Variants in SORCS1 observed in about 807,000 individuals in gnomAD.
SORCS1 encodes the protein sortilin related VPS10 domain containing receptor 1, also known as VPS10 domain-containing receptor SorCS1.
Under a neutral mutation model 146.1 loss-of-function variants are expected in SORCS1, and 60 were observed. The ratio of observed to expected loss-of-function variants is 0.41; its 90% CI spans 0.33 to 0.51. SORCS1 has a LOEUF of 0.51. SORCS1 is among the 20% of genes least tolerant of loss of function. SORCS1 has a pLI of 0.21. For synonymous variants in SORCS1, 637 were observed against 584.0 expected (o/e 1.09, Z -1.31); for missense variants, 1,352 against 1,487.6 (o/e 0.91, Z 1.50).
At chr10:106,928,951 A>C (rs1366883784) in intron 2 of SORCS1, among the ~76,000 whole-genome samples, 1 of 151,124 alleles carries the variant, frequency 6.6e-6, no homozygotes, top group African/African-American at 2.4e-5. Context: ...AATTAAAATT[A>C]TATATATAAT....
chr10:106,706,706 GAA>G, intron 7 of SORCS1, 72 bp from the exon 8 acceptor site: 2 of 1,393,468 alleles, frequency 1.4e-6, no homozygotes, highest in Non-Finnish European at 2.0e-6. Flanking sequence ...ACAGTCACCT[GAA>G]TGGAAGGAGG....
rs1219563937 is a variant in SORCS1, at chr10:107,024,702, G to C, written c.559-68122C>G. Among the ~76,000 whole-genome samples, 3 of 151,994 alleles carry C rather than the reference G, an allele frequency of 2.0e-5. No individual in the cohort carries two copies. The East Asian group carries it at 5.8e-4, about 29-fold the overall frequency. On this transcript the variant is annotated intron_variant, in intron 1 of 25. Coordinates refer to ENST00000263054, the MANE Select transcript of SORCS1 (RefSeq NM_052918.5). ...CAAGTAGCAATACCTGGTCAATCTT[G>C]TTTTATTTGTACCTCTGCCCATTTT...
At chr10:106,879,601 G>C (rs1435988396) in intron 2 of SORCS1, among the ~76,000 whole-genome samples, 1 of 152,168 alleles carries the variant, frequency 6.6e-6, no homozygotes, top group Non-Finnish European at 1.5e-5. Context: ...GATTATCCAG[G>C]CCGACCTGAT....
At chr10:106,866,193 G>A (rs1407816453) in intron 2 of SORCS1, among the ~76,000 whole-genome samples, 1 of 152,114 alleles carries the variant, frequency 6.6e-6, no homozygotes, top group Non-Finnish European at 1.5e-5. Context: ...ACTCTGCAGT[G>A]GAACTGCCCT....
At chr10:106,584,872 A>T (rs1275805920) in intron 24 of SORCS1, among the ~76,000 whole-genome samples, 1 of 152,186 alleles carries the variant, frequency 6.6e-6, no homozygotes, top group African/African-American at 2.4e-5. Context: ...TCCAAGACCA[A>T]CCATCATCAT....
At chr10:107,113,371 T>C (rs1018028938) in intron 1 of SORCS1, among the ~76,000 whole-genome samples, 3 of 152,036 alleles carry the variant, frequency 2.0e-5, no homozygotes, top group African/African-American at 7.2e-5. Context: ...GAGAGAACTA[T>C]ATAGTGATAA....
chr10:106,971,351 G>T (rs1013780174), intron 1 of SORCS1, among the ~76,000 whole-genome samples: 6 of 152,108 alleles, frequency 3.9e-5, no homozygotes, highest in African/African-American at 1.4e-4. Context: ...CAGTATTTGT[G>T]GATCGTCTGA....
intron 1 of SORCS1, among the ~76,000 whole-genome samples, chr10:106,974,405 G>A (rs927418697): frequency 2.0e-5 from 3 of 152,214 alleles, no homozygotes; most frequent in Admixed American, 6.5e-5. Flanking sequence ...CAATACAGAA[G>A]GCTTTGTGAG....
At chr10:107,027,035 A>AATATATATAT (rs1958437730) in intron 1 of SORCS1, among the ~76,000 whole-genome samples, 2 of 63,862 alleles carry the variant, frequency 3.1e-5, no homozygotes, top group African/African-American at 1.1e-4. Flanking sequence ...TATATATATA[A>AATATATATAT]AAATATATAT....
At chr10:106,596,543 C>T (rs2133309519) in intron 24 of SORCS1, among the ~76,000 whole-genome samples, 1 of 152,212 alleles carries the variant, frequency 6.6e-6, no homozygotes, top group Non-Finnish European at 1.5e-5. Flanking sequence ...CCATCCTCAC[C>T]ACCACCTTCT....
chr10:106,972,041 T>C (rs1015479965), intron 1 of SORCS1, among the ~76,000 whole-genome samples: 6 of 152,156 alleles, frequency 3.9e-5, no homozygotes, highest in African/African-American at 1.2e-4. Context: ...TCATTTAACC[T>C]GTTTTTATTA....
At chr10:106,970,336 CTTTTT>C (rs766818370) in intron 1 of SORCS1, among the ~76,000 whole-genome samples, 3 of 89,454 alleles carry the variant, frequency 3.4e-5, no homozygotes, top group South Asian at 3.9e-4. Flanking sequence ...ACCAACATCT[CTTTTT>C]TTTTTTTTTT....
intron 5 of SORCS1, among the ~76,000 whole-genome samples, chr10:106,754,422 C>G (rs2136206481): frequency 6.6e-6 from 1 of 152,298 alleles, no homozygotes; most frequent in South Asian, 2.1e-4. Flanking sequence ...ACTTTCCAGA[C>G]CCATAAGCCA....
the SORCS1 span, among the ~76,000 whole-genome samples, chr10:107,178,245 T>C: frequency 6.6e-6 from 1 of 152,170 alleles, no homozygotes. Flanking sequence ...AACTTACTCC[T>C]GTGTAGCTGT....
chr10:106,743,765 G>A (rs1196623459), intron 5 of SORCS1, among the ~76,000 whole-genome samples: 9 of 151,980 alleles, frequency 5.9e-5, no homozygotes, highest in South Asian at 2.1e-4. Flanking sequence ...AAATAACACC[G>A]CTGTGAAAAA....
At chr10:106,966,885 T>TA (rs1252358842) in intron 1 of SORCS1, among the ~76,000 whole-genome samples, 2 of 151,974 alleles carry the variant, frequency 1.3e-5, no homozygotes, top group African/African-American at 4.8e-5. Context: ...TTCCTGCTAG[T>TA]AACAAACCCA....
rs1954236994 is a variant in SORCS1, at chr10:106,944,871, CTTCTT to C, written c.626+11637_626+11641del. ...ATGGTAGAAAGAAGCAAGAAAGAGCCTTCTTTTTTTTTTTTTTTTTTTTTTTTTTT... is the reference window on the plus strand; with the variant it reads ...ATGGTAGAAAGAAGCAAGAAAGAGCCTTTTTTTTTTTTTTTTTTTTTTTTT... On this transcript the variant is annotated intron_variant, in intron 2 of 25. Coordinates refer to ENST00000263054, the MANE Select transcript of SORCS1 (RefSeq NM_052918.5). 4.9e-4 allele frequency among the ~76,000 whole-genome samples: 30 copies of C among 61,024 alleles called. 1 individual carries two copies. The highest frequency in any genetic ancestry group is 2.3e-3 in the South Asian group (4 of 1,732). 40.0% of individuals were successfully genotyped at this position (61,024 alleles called of 152,430 possible). A position where few individuals can be genotyped will look rare whatever the true frequency, so the allele number is the denominator to read the frequency against.
At chr10:107,108,101 C>T (rs1406552847) in intron 1 of SORCS1, among the ~76,000 whole-genome samples, 3 of 152,144 alleles carry the variant, frequency 2.0e-5, no homozygotes, top group Admixed American at 1.3e-4. Flanking sequence ...TCAGCTACAA[C>T]CCCTCTGAGC....
In SORCS1 at chr10:106,575,577, C is replaced by T. The variant is rs915578099; in HGVS notation, c.*1843G>A. The T allele has an allele frequency of 1.3e-5, 2 of 152,362 alleles. No homozygotes were observed. Among genetic ancestry groups the T allele is most frequent in the African/African-American group, 4.8e-5 (2 of 41,448 alleles). 9.4% of individuals were successfully genotyped at this position (152,362 alleles called of 1,614,324 possible). ...TTCCCTCTTTCTCTGAGCCTTCTTT[C>T]ATGATTACCCTGGGAAAAATGGGGT... On this transcript the variant is annotated 3_prime_UTR_variant, in exon 26 of 26. Transcript: ENST00000263054.
Sources: gnomAD v4.1 joint callset for allele counts (sites outside exome capture counted in the v4.1 genomes callset) on GRCh38, gnomAD v4.1.1 for gene constraint, MANE v1.5 for transcripts, NCBI Gene and HGNC (gene_info 2026-07-23, HGNC 2026-07-21) for gene names.